DNAH10: variants seen among roughly 807,000 people sequenced by gnomAD.
The protein encoded by DNAH10 is dynein axonemal heavy chain 10.
Under a neutral mutation model 506.6 loss-of-function variants are expected in DNAH10, and 348 were observed. The ratio of observed to expected loss-of-function variants is 0.69; its 90% CI spans 0.63 to 0.75. DNAH10 has a LOEUF of 0.75. DNAH10 is among the 30% of genes least tolerant of loss of function. DNAH10 has a pLI of 0.00. For missense variants in DNAH10, 5,179 were observed against 5,787.1 expected (o/e 0.89, Z 3.41); for synonymous variants, 2,059 against 2,198.6 (o/e 0.94, Z 1.78).
intron 13 of DNAH10, 49 bp from the exon 14 acceptor site, chr12:123,799,197 A>AGCCGT: frequency 1.4e-6 from 2 of 1,408,268 alleles, no homozygotes; most frequent in South Asian, 3.5e-5. Context: ...GCGAGATGAA[A>AGCCGT]AATGTTATTT....
chr12:123,841,517 A>G lies in DNAH10; in HGVS notation c.5332A>G (p.Ile1778Val). The G allele has an allele frequency of 6.2e-7, 1 of 1,613,972 alleles. No homozygotes were observed. Among genetic ancestry groups the G allele is most frequent in the Non-Finnish European group, 8.5e-7 (1 of 1,179,886 alleles). Reference protein sequence around the residue: ...RTNRLITKEAIFRYCEDRSRV... With the variant: ...RTNRLITKEAVFRYCEDRSRV... ...TAATAGACTAATTACCAAAGAGGCTATTTTTAGATACTGTGAAGACAGAAG... is the reference window on the plus strand; with the variant it reads ...TAATAGACTAATTACCAAAGAGGCTGTTTTTAGATACTGTGAAGACAGAAG... The change falls in exon 30 of 79, where the codon ATT (isoleucine) becomes GTT (valine). Residue 1778 changes from isoleucine (I) to valine (V), a missense_variant. By Grantham distance (29) the Ile-to-Val change is conservative. Coordinates refer to ENST00000673944, the MANE Select transcript of DNAH10 (RefSeq NM_001372106.1).
chr12:123,852,626 G>C (rs1260911230), intron 35 of DNAH10, among the ~76,000 whole-genome samples: 1 of 151,402 alleles, frequency 6.6e-6, no homozygotes, highest in African/African-American at 2.4e-5. Flanking sequence ...AGGTTGGAGT[G>C]CAGTGGTGTG....
At chr12:123,826,334 C>A (rs1366437315) in intron 24 of DNAH10, among the ~76,000 whole-genome samples, 2 of 152,150 alleles carry the variant, frequency 1.3e-5, no homozygotes, top group Non-Finnish European at 2.9e-5. Flanking sequence ...CAAGCTATGA[C>A]AGCACCTGAA....
intron 73 of DNAH10, 101 bp from the exon 74 acceptor site, chr12:123,931,240 T>A: frequency 6.7e-7 from 1 of 1,485,504 alleles, no homozygotes. Context: ...CTCTAAACAG[T>A]GGAAATTAGT....
chr12:123,831,096 A>T (rs181024421), intron 26 of DNAH10, among the ~76,000 whole-genome samples: 118 of 152,074 alleles, frequency 7.8e-4, no homozygotes, highest in African/African-American at 2.1e-3. Context: ...GTTTAAAAAA[A>T]TTTTTTCTTA....
intron 36 of DNAH10, among the ~76,000 whole-genome samples, chr12:123,856,542 G>A (rs1041177730): frequency 8.6e-5 from 13 of 150,530 alleles, no homozygotes; most frequent in Non-Finnish European, 1.9e-4. Flanking sequence ...TCACCATGTC[G>A]GCCAGGCTGA....
At chr12:123,905,644 A>G (rs922576527) in intron 57 of DNAH10, among the ~76,000 whole-genome samples, 1 of 147,698 alleles carries the variant, frequency 6.8e-6, no homozygotes, top group African/African-American at 2.5e-5. Flanking sequence ...TTTTTTTCCT[A>G]TGAGAAAAGT....
chr12:123,923,993 A>AT, intron 66 of DNAH10, 126 bp downstream of exon 66: 1 of 758,762 alleles, frequency 1.3e-6, no homozygotes, highest in South Asian at 1.9e-5. Context: ...ACAGCACTGC[A>AT]TTTTTCACTA....
intron 37 of DNAH10, among the ~76,000 whole-genome samples, chr12:123,857,487 C>T (rs1594211436): frequency 6.6e-6 from 1 of 152,122 alleles, no homozygotes; most frequent in Admixed American, 6.5e-5. Context: ...CCCAGCACTT[C>T]GGGAGGCTGA....
At chr12:123,898,953 C>A in intron 56 of DNAH10, 139 bp downstream of exon 56, 2 of 1,301,484 alleles carry the variant, frequency 1.5e-6, no homozygotes, top group Non-Finnish European at 2.0e-6. Context: ...CTTGTAGGCA[C>A]TGAGCGTGCC....
chr12:123,904,958 C>G (rs1241449297), intron 57 of DNAH10, among the ~76,000 whole-genome samples: 1 of 152,204 alleles, frequency 6.6e-6, no homozygotes, highest in Admixed American at 6.5e-5. Context: ...TATATCATTT[C>G]TCATATACAC....
chr12:123,819,109 C>T lies in DNAH10; in HGVS notation c.3898-39C>T, dbSNP rs748001069. ...CTTCCTGAGTAAAGACATTGAAAAA[C>T]GTATTTGGGCTAAATTAATGTAACC... On this transcript the variant is annotated intron_variant, in intron 22 of 78. Transcript: ENST00000673944. 35 of 1,602,814 alleles carry T rather than the reference C, an allele frequency of 2.2e-5. 1 individual carries two copies. In the East Asian group the frequency reaches 3.8e-4, roughly 17 times the overall value.
At chr12:123,792,451 CTTTTTTTTTTTTTT>C (rs78654407) in intron 11 of DNAH10, among the ~76,000 whole-genome samples, 3 of 133,466 alleles carry the variant, frequency 2.2e-5, no homozygotes, top group African/African-American at 9.3e-5. Flanking sequence ...TTCCTTTGTC[CTTTTTTTTTTTTTT>C]TTTTTTTTTT....
chr12:123,808,860 T>C lies in DNAH10; in HGVS notation c.3051T>C (p.Ile1017=). 1.9e-6 allele frequency: 3 copies of C among 1,614,192 alleles called. No individual in the cohort carries two copies. The highest frequency in any genetic ancestry group is 2.5e-6 in the Non-Finnish European group (3 of 1,180,030). ...TCCCTCTGTTCCACACTGAAACCAT[T>C]CTGACGGCACCTGAGATCATCCTTC... The part of the protein sequence containing the change: ...GNVPLFHTET[I]LTAPEIILHP... Residue 1017 remains isoleucine (I), a synonymous_variant, in exon 19 of 79, where the codon ATT becomes ATC. Transcript: ENST00000673944.
Position 123,877,903 on chromosome 12 carries a change from G to A in DNAH10, c.8367G>A (p.Pro2789=), listed in dbSNP as rs760261679. ...TTAATGGTCTTGTCCTCACTAACCC[G>A]GAGCGGTGAGTTTGATTTATCTTAC... ...RVFNGLVLTN[P]ERFQTVAQMV... Residue 2789 remains proline (P), a synonymous_variant, in exon 48 of 79, where the codon CCG becomes CCA. Coordinates refer to ENST00000673944, the MANE Select transcript of DNAH10 (RefSeq NM_001372106.1). 2.4e-5 allele frequency: 38 copies of A among 1,612,678 alleles called. No individual in the cohort carries two copies. The highest frequency in any genetic ancestry group is 6.7e-5 in the African/African-American group (5 of 74,836).
At chr12:123,932,692 G>A (rs1418875136) in intron 76 of DNAH10, 1 of 152,736 alleles carries the variant, frequency 6.5e-6, no homozygotes, top group Non-Finnish European at 1.5e-5. Flanking sequence ...CCGCTGCAAT[G>A]CTGCGTTCTT....
chr12:123,931,065 A>G (rs1260546807), intron 73 of DNAH10, among the ~76,000 whole-genome samples: 1 of 152,080 alleles, frequency 6.6e-6, no homozygotes, highest in Non-Finnish European at 1.5e-5. Flanking sequence ...AAACAAAAAT[A>G]TTAGCTGAGT....
Position 123,917,666 on chromosome 12 carries a change from C to A in DNAH10, c.11085C>A (p.His3695Gln), listed in dbSNP as rs561522960. The change falls in exon 64 of 79, where the codon CAC becomes CAA. Residue 3695 changes from histidine to glutamine, a missense_variant. Transcript: ENST00000673944. This position sits in a 1 kb window ranked among gnomAD's most constrained non-coding sequence, Gnocchi z 5.6. ...ERRELEEQREHLIQETSENKN... is the reference protein window; with the variant it reads ...ERRELEEQREQLIQETSENKN... ...GGGAGCTGGAGGAGCAGCGGGAGCA[C>A]CTCATCCAGGAGACCAGCGAGAACA... 1.3e-6 allele frequency: 2 copies of A among 1,552,076 alleles called. No homozygotes were observed. Among genetic ancestry groups the A allele is most frequent in the African/African-American group, 2.7e-5 (2 of 73,206 alleles).
chr12:123,874,378 A>G (rs1360092174), intron 46 of DNAH10, among the ~76,000 whole-genome samples: 7 of 150,350 alleles, frequency 4.7e-5, no homozygotes, highest in African/African-American at 1.2e-4. Context: ...TCATCCACCC[A>G]TCTGCTATTT....
Sources: allele counts gnomAD v4.1 joint callset (sites outside exome capture counted in the v4.1 genomes callset), GRCh38; gene constraint gnomAD v4.1.1; non-coding constraint Gnocchi (gnomAD v3.1); transcripts MANE v1.5; gene names NCBI Gene and HGNC (gene_info 2026-07-23, HGNC 2026-07-21).